SLCO6A1: variants seen among roughly 807,000 people sequenced by gnomAD.
SLCO6A1 encodes the protein solute carrier organic anion transporter family member 6A1.
In SLCO6A1, 65 loss-of-function variants were observed where a neutral mutation model predicts 72.7. That is an observed-to-expected ratio of 0.89 (90% CI 0.73 to 1.10). The LOEUF (loss-of-function observed/expected upper bound fraction) is 1.10. SLCO6A1 is among the 50% of genes least tolerant of loss of function. The pLI is 0.00. For missense variants in SLCO6A1, 874 were observed against 872.6 expected (o/e 1.00, Z -0.02); for synonymous variants, 314 against 298.2 (o/e 1.05, Z -0.55).
intron 7 of SLCO6A1, among the ~76,000 whole-genome samples, chr5:102,436,766 T>C (rs963665131): frequency 4.6e-5 from 7 of 152,206 alleles, no homozygotes; most frequent in Non-Finnish European, 1.0e-4. Context: ...ACAGCTACCA[T>C]TTGAAAAGCA....
chr5:102,374,919 A>C (rs1169178906), intron 12 of SLCO6A1, among the ~76,000 whole-genome samples: 1 of 152,184 alleles, frequency 6.6e-6, no homozygotes, highest in Non-Finnish European at 1.5e-5. Flanking sequence ...CTGTTTAAAG[A>C]CTTGATAGAG....
At chr5:102,414,492 T>C (rs6596484) in intron 8 of SLCO6A1, among the ~76,000 whole-genome samples, 97,172 of 152,066 alleles carry the variant, frequency 0.64, 31,252 homozygotes, top group African/African-American at 0.66. Context: ...AACCTAAAGA[T>C]GCCAATAAAA....
chr5:102,412,137 C>T (rs939418021), intron 9 of SLCO6A1, among the ~76,000 whole-genome samples: 1 of 151,926 alleles, frequency 6.6e-6, no homozygotes, highest in African/African-American at 2.4e-5. Context: ...GAAGCCCTAC[C>T]CCAAAACCCT....
Position 102,477,718 on chromosome 5 carries a change from T to C in SLCO6A1, c.760A>G (p.Ile254Val), listed in dbSNP as rs1201114145. 1.4e-5 allele frequency: 23 copies of C among 1,613,462 alleles called. No homozygotes were observed. Among genetic ancestry groups the C allele is most frequent in the Non-Finnish European group, 1.9e-5 (23 of 1,179,766 alleles). Reference sequence around the variant, plus strand: ...GAGTGTGTAGCAACATTCTCATCAATAAAGGTTATTCCAAGGATATAAAGA... The same window carrying C: ...GAGTGTGTAGCAACATTCTCATCAACAAAGGTTATTCCAAGGATATAAAGA... ...MPLYILGITF[I>V]DENVATHSAG... Residue 254 changes from isoleucine to valine, a missense_variant, in exon 3 of 14, where the codon ATT becomes GTT. Physicochemically the swap from Ile to Val is conservative, Grantham distance 29. Transcript: ENST00000506729.
At chr5:102,386,292 G>T (rs1404421835) in intron 12 of SLCO6A1, among the ~76,000 whole-genome samples, 1 of 152,120 alleles carries the variant, frequency 6.6e-6, no homozygotes, top group Non-Finnish European at 1.5e-5. Flanking sequence ...ATGAGAGTAG[G>T]CCTGGACCCT....
chr5:102,437,977 A>C (rs1749636010), intron 7 of SLCO6A1, among the ~76,000 whole-genome samples: 1 of 152,254 alleles, frequency 6.6e-6, no homozygotes, highest in Admixed American at 6.5e-5. Flanking sequence ...ATATCTCATA[A>C]AATTGTAAAT....
chr5:102,428,360 A>G (rs1749032892), intron 7 of SLCO6A1, among the ~76,000 whole-genome samples: 2 of 152,160 alleles, frequency 1.3e-5, no homozygotes, highest in Non-Finnish European at 2.9e-5. Context: ...AATTTACATA[A>G]TTAATGAAAT....
chr5:102,492,867 G>A (rs2112866748), intron 1 of SLCO6A1, among the ~76,000 whole-genome samples: 1 of 152,306 alleles, frequency 6.6e-6, no homozygotes, highest in African/African-American at 2.4e-5. Flanking sequence ...TGAGGCTTGA[G>A]TAGGTAAACA....
intron 6 of SLCO6A1, among the ~76,000 whole-genome samples, chr5:102,445,228 ATC>A (rs1440003092): frequency 6.6e-6 from 1 of 152,206 alleles, no homozygotes; most frequent in Admixed American, 6.5e-5. Flanking sequence ...CCACACCAGC[ATC>A]TGTTATTTTT....
At chr5:102,455,207 C>T (rs1433138016) in intron 6 of SLCO6A1, among the ~76,000 whole-genome samples, 4 of 151,428 alleles carry the variant, frequency 2.6e-5, no homozygotes, top group Non-Finnish European at 5.9e-5. Flanking sequence ...CCTAATGTGT[C>T]CAGGAAAGAC....
chr5:102,469,919 T>C (rs1377679031), intron 4 of SLCO6A1, among the ~76,000 whole-genome samples: 1 of 152,216 alleles, frequency 6.6e-6, no homozygotes, highest in Non-Finnish European at 1.5e-5. Flanking sequence ...GCGATAATCA[T>C]GTGGCTTTTG....
At chr5:102,427,153 C>A (rs952440727) in intron 7 of SLCO6A1, among the ~76,000 whole-genome samples, 2 of 151,474 alleles carry the variant, frequency 1.3e-5, no homozygotes, top group Admixed American at 1.3e-4. Context: ...AATAAGAAAC[C>A]TGGATATTAA....
chr5:102,481,695 A>C (rs2112834639), intron 1 of SLCO6A1, among the ~76,000 whole-genome samples: 1 of 152,298 alleles, frequency 6.6e-6, no homozygotes, highest in East Asian at 1.9e-4. Context: ...CAATATCATC[A>C]TGCTTCTGCC....
intron 8 of SLCO6A1, among the ~76,000 whole-genome samples, chr5:102,414,907 GTAAATAAA>G (rs201675961): frequency 2.8e-4 from 17 of 60,126 alleles, no homozygotes; most frequent in South Asian, 7.1e-4. Context: ...AAGTAAGTAA[GTAAATAAA>G]TAAATAAATA....
intron 8 of SLCO6A1, among the ~76,000 whole-genome samples, 155 bp from the exon 9 acceptor site, chr5:102,413,298 T>C (rs1748093116): frequency 6.6e-6 from 1 of 152,200 alleles, no homozygotes; most frequent in Non-Finnish European, 1.5e-5. Flanking sequence ...AGACTGCACA[T>C]ACTTAGACTA....
rs570622925 is a variant in SLCO6A1 at position 102,379,441 on chromosome 5, T to C, written c.2018-5947A>G. On this transcript the variant is annotated intron_variant, in intron 12 of 13. Transcript: ENST00000506729. ...TATGTAATGCGTCTGGAACTGATGT[T>C]TGTATAAGATGTGAGATAGGGATCA... Among the ~76,000 whole-genome samples, 5 of 152,294 alleles carry C rather than the reference T, an allele frequency of 3.3e-5. No individual in the cohort carries two copies. The East Asian group carries it at 9.7e-4, about 29-fold the overall frequency.
At chr5:102,411,290 G>A (rs1004202725) in intron 9 of SLCO6A1, among the ~76,000 whole-genome samples, 2 of 151,704 alleles carry the variant, frequency 1.3e-5, no homozygotes, top group African/African-American at 4.8e-5. Context: ...TATGAGATAT[G>A]TTCTCACTCT....
intron 12 of SLCO6A1, among the ~76,000 whole-genome samples, chr5:102,375,796 A>T (rs1745751014): frequency 6.6e-6 from 1 of 152,184 alleles, no homozygotes; most frequent in South Asian, 2.1e-4. Flanking sequence ...ATGAAATAGT[A>T]TCAAGTGATC....
intron 6 of SLCO6A1, among the ~76,000 whole-genome samples, chr5:102,452,201 C>T (rs1047116772): frequency 6.6e-6 from 1 of 152,126 alleles, no homozygotes; most frequent in African/African-American, 2.4e-5. Flanking sequence ...GAAACTTACA[C>T]GTGAGATGAA....
Sources: gnomAD v4.1 joint callset for allele counts (sites outside exome capture counted in the v4.1 genomes callset) on GRCh38, gnomAD v4.1.1 for gene constraint, MANE v1.5 for transcripts, NCBI Gene and HGNC (gene_info 2026-07-23, HGNC 2026-07-21) for gene names.